Variants in LARGE1 observed in about 807,000 individuals in gnomAD.
LARGE1 encodes the protein xylosyl- and glucuronyltransferase LARGE1.
In LARGE1, 43 loss-of-function variants were observed where a neutral mutation model predicts 87.6. The ratio of observed to expected loss-of-function variants is 0.49; its 90% CI spans 0.38 to 0.63. The LOEUF (loss-of-function observed/expected upper bound fraction) is 0.63. LARGE1 is among the 30% of genes least tolerant of loss of function. The probability of loss-of-function intolerance (pLI) is 0.00; values close to 1 mark genes in which losing one functional copy is unlikely to be tolerated. For missense variants in LARGE1, 802 were observed against 1,000.2 expected (o/e 0.80, Z 2.67); for synonymous variants, 434 against 394.6 (o/e 1.10, Z -1.18).
chr22:33,120,120 T>G, the LARGE1 span, among the ~76,000 whole-genome samples: 1 of 152,052 alleles, frequency 6.6e-6, no homozygotes, highest in Non-Finnish European at 1.5e-5. Context: ...AAAAAGTATA[T>G]TTTTTATATA....
At chr22:33,173,028 G>A (rs777922854) in intron 11 of LARGE1, among the ~76,000 whole-genome samples, 2 of 152,018 alleles carry the variant, frequency 1.3e-5, no homozygotes, top group East Asian at 1.9e-4. Context: ...GATATTCCTC[G>A]AGAAGAGCAA....
chr22:33,834,266 G>T (rs34573078), intron 1 of LARGE1, among the ~76,000 whole-genome samples: 29,211 of 152,160 alleles, frequency 0.19, 3,297 homozygotes, highest in Admixed American at 0.34. Context: ...TCATAATCAA[G>T]AAAATATAAA....
At chr22:33,093,605 G>A in the LARGE1 span, among the ~76,000 whole-genome samples, 4 of 152,198 alleles carry the variant, frequency 2.6e-5, no homozygotes, top group South Asian at 2.1e-4. Context: ...AGTCCATCCA[G>A]GTGTGGTTAC....
the LARGE1 span, among the ~76,000 whole-genome samples, chr22:33,144,710 T>C: frequency 6.6e-6 from 1 of 152,108 alleles, no homozygotes; most frequent in Admixed American, 6.6e-5. Flanking sequence ...AATTCAGTGT[T>C]TGGTATTAAT....
intron 7 of LARGE1, among the ~76,000 whole-genome samples, chr22:33,391,211 T>C (rs147223016): frequency 6.6e-6 from 1 of 152,310 alleles, no homozygotes; most frequent in African/African-American, 2.4e-5. Context: ...TATGATTCAT[T>C]TCAAAATTTT....
chr22:33,308,315 T>C (rs1189749719), intron 11 of LARGE1, among the ~76,000 whole-genome samples: 1 of 152,134 alleles, frequency 6.6e-6, no homozygotes, highest in Non-Finnish European at 1.5e-5. Flanking sequence ...TCTAATCTGG[T>C]GCACTGCCCA....
At chr22:33,902,372 A>G (rs777551041) in intron 1 of LARGE1, among the ~76,000 whole-genome samples, 40 of 152,214 alleles carry the variant, frequency 2.6e-4, no homozygotes, top group Non-Finnish European at 4.6e-4. Flanking sequence ...CCAAAAAGTC[A>G]TAAAACTCAT....
chr22:33,531,522 C>T (rs1445530483), intron 6 of LARGE1, among the ~76,000 whole-genome samples: 1 of 152,210 alleles, frequency 6.6e-6, no homozygotes, highest in Non-Finnish European at 1.5e-5. Context: ...ACTGTGACCT[C>T]CACACTTCCT....
intron 2 of LARGE1, among the ~76,000 whole-genome samples, chr22:33,719,141 A>G (rs979513892): frequency 6.6e-6 from 1 of 152,250 alleles, no homozygotes; most frequent in Non-Finnish European, 1.5e-5. Context: ...AAAGATTTAA[A>G]AACAGCAAAA....
At chr22:33,597,799 C>T (rs1208321654) in intron 5 of LARGE1, among the ~76,000 whole-genome samples, 2 of 152,102 alleles carry the variant, frequency 1.3e-5, no homozygotes, top group African/African-American at 4.8e-5. Flanking sequence ...ACTTTCTGGG[C>T]CAGCTGGAGC....
chr22:33,517,605 T>C (rs1422262172), intron 6 of LARGE1, among the ~76,000 whole-genome samples: 1 of 105,952 alleles, frequency 9.4e-6, no homozygotes. Context: ...TTTCACCATA[T>C]GGGCCAGGAT....
intron 1 of LARGE1, among the ~76,000 whole-genome samples, chr22:33,809,915 AC>A (rs1295127335): frequency 1.3e-5 from 2 of 152,122 alleles, no homozygotes; most frequent in African/African-American, 2.4e-5. Context: ...ACACTGCTTC[AC>A]TTTTTAGATG....
At chr22:33,208,164 C>A (rs970630292) in intron 11 of LARGE1, among the ~76,000 whole-genome samples, 3 of 151,968 alleles carry the variant, frequency 2.0e-5, no homozygotes, top group African/African-American at 7.3e-5. Flanking sequence ...TCTTATTATA[C>A]CTGTTTAGAT....
intron 1 of LARGE1, among the ~76,000 whole-genome samples, chr22:33,843,482 T>A (rs2063341630): frequency 7.6e-6 from 1 of 131,924 alleles, no homozygotes; most frequent in African/African-American, 3.2e-5. Flanking sequence ...AATAAAAAAT[T>A]AAAGAGGTCT....
downstream of LARGE1, among the ~76,000 whole-genome samples, chr22:33,267,698 C>T (rs1266827890): frequency 6.6e-6 from 1 of 151,078 alleles, no homozygotes; most frequent in Non-Finnish European, 1.5e-5. Context: ...GATTGCTAGG[C>T]CGCTGCACAT....
chr22:33,893,279 C>G (rs2065051132), intron 1 of LARGE1, among the ~76,000 whole-genome samples: 1 of 152,212 alleles, frequency 6.6e-6, no homozygotes, highest in Admixed American at 6.5e-5. Flanking sequence ...GTCCCCCTTC[C>G]TCTTCCCACC....
At chr22:33,125,068 T>C in the LARGE1 span, among the ~76,000 whole-genome samples, 2 of 152,328 alleles carry the variant, frequency 1.3e-5, no homozygotes, top group South Asian at 4.1e-4. Flanking sequence ...GTGATAACTC[T>C]CTGGGTATTG....
chr22:33,408,695 CT>C (rs572399860), intron 7 of LARGE1, among the ~76,000 whole-genome samples: 387 of 135,952 alleles, frequency 2.8e-3, no homozygotes, highest in Middle Eastern at 0.02. Flanking sequence ...ATAGACTTGT[CT>C]TTTTTTTTTT....
At chr22:33,809,921 T>C (rs140830492) in intron 1 of LARGE1, among the ~76,000 whole-genome samples, 1 of 152,252 alleles carries the variant, frequency 6.6e-6, no homozygotes, top group East Asian at 1.9e-4. Flanking sequence ...CTTCACTTTT[T>C]AGATGTAATA....
Sources: allele counts gnomAD v4.1 joint callset (sites outside exome capture counted in the v4.1 genomes callset), GRCh38; gene constraint gnomAD v4.1.1; transcripts MANE v1.5; gene names NCBI Gene and HGNC (gene_info 2026-07-23, HGNC 2026-07-21).